The following IRF2 variants were observed in gnomAD, a reference collection of about 807,000 sequenced individuals.
IRF2 encodes the protein interferon regulatory factor 2.
A neutral mutation model predicts 40.6 loss-of-function variants in IRF2; 15 were observed. That is an observed-to-expected ratio of 0.37 (90% CI 0.25 to 0.57). The LOEUF (loss-of-function observed/expected upper bound fraction) is 0.57, where lower values mean the gene tolerates loss of function less well. IRF2 is among the 20% of genes least tolerant of loss of function. The pLI is 0.77. For synonymous variants in IRF2, 151 were observed against 165.5 expected (o/e 0.91, Z 0.67); for missense variants, 317 against 455.7 (o/e 0.70, Z 2.77).
intron 1 of IRF2, among the ~76,000 whole-genome samples, chr4:184,455,337 G>A (rs1239225244): frequency 8.5e-5 from 9 of 105,856 alleles, no homozygotes; most frequent in South Asian, 7.0e-4. Flanking sequence ...AGAGAAAGGC[G>A]TCTCCCCATG....
At position 184,408,018 on chromosome 4, in the gene IRF2, TG is replaced by T; in HGVS notation, c.529+139del. 1 of 579,712 alleles carries T rather than the reference TG, an allele frequency of 1.7e-6. No homozygotes were observed. Among genetic ancestry groups the T allele is most frequent in the Non-Finnish European group, 3.1e-6 (1 of 321,542 alleles). The allele number at this position is 579,712 out of a possible 1,614,324, so 35.9% of individuals were successfully genotyped here. Reference sequence around the variant, plus strand: ...GCCTTCGTTTCTCAGCCTTGAAATCTGGGGGCTGGAACTTGCATTCTGAGAT... The same window carrying T: ...GCCTTCGTTTCTCAGCCTTGAAATCTGGGGCTGGAACTTGCATTCTGAGAT... On this transcript the variant is annotated intron_variant, in intron 6 of 8. Transcript: ENST00000393593. This position sits in a 1 kb window ranked among gnomAD's most constrained non-coding sequence, Gnocchi z 4.9.
At chr4:184,467,199 T>C (rs1259175992) in intron 1 of IRF2, among the ~76,000 whole-genome samples, 2 of 152,222 alleles carry the variant, frequency 1.3e-5, no homozygotes, top group Non-Finnish European at 2.9e-5. Context: ...AACTGGTCCT[T>C]GAGTTATCAC....
intron 7 of IRF2, among the ~76,000 whole-genome samples, chr4:184,396,835 G>T (rs540003221): frequency 1.4e-4 from 21 of 152,258 alleles, no homozygotes; most frequent in Non-Finnish European, 2.2e-4. Context: ...AGGCATGGCA[G>T]CTCATGCCCG....
At chr4:184,455,967 C>T (rs557464207) in intron 1 of IRF2, among the ~76,000 whole-genome samples, 19 of 152,288 alleles carry the variant, frequency 1.2e-4, no homozygotes, top group Admixed American at 1.3e-4. Flanking sequence ...AAGGACTTAC[C>T]CTGCAAAGAC....
chr4:184,425,990 GTTTGT>G (rs1737659015), intron 2 of IRF2, among the ~76,000 whole-genome samples: 1 of 119,816 alleles, frequency 8.3e-6, no homozygotes, highest in Admixed American at 7.7e-5. Context: ...TTGTTTGTTT[GTTTGT>G]TTGTTTGTTT....
chr4:184,419,578 A>AAAG lies in IRF2; in HGVS notation c.88-11_88-10insCTT. ...GAAAAATCTTCTTTTCCTGAAAAAA[A>AAAG]AAAAAAAAAAAAAGGTAAAGAACTG... On this transcript the variant is annotated splice_polypyrimidine_tract_variant and intron_variant, in intron 2 of 8. Transcript: ENST00000393593. The AAAG allele has an allele frequency of 6.4e-7, 1 of 1,559,594 alleles. No homozygotes were observed. Among genetic ancestry groups the AAAG allele is most frequent in the Non-Finnish European group, 8.7e-7 (1 of 1,144,680 alleles).
At chr4:184,453,149 C>T (rs948627994) in intron 1 of IRF2, among the ~76,000 whole-genome samples, 1 of 152,122 alleles carries the variant, frequency 6.6e-6, no homozygotes, top group Non-Finnish European at 1.5e-5. Context: ...GATAAATTAC[C>T]TTCCAGATAC....
intron 6 of IRF2, among the ~76,000 whole-genome samples, chr4:184,400,149 A>G (rs1736615005): frequency 6.6e-6 from 1 of 152,222 alleles, no homozygotes; most frequent in Non-Finnish European, 1.5e-5. Context: ...AACACCAAAC[A>G]GTTCCATCAC....
At position 184,398,969 on chromosome 4, in the gene IRF2, C is replaced by T. The variant is rs1337558903; in HGVS notation, c.640G>A (p.Val214Ile). 1 of 1,613,026 alleles carries T rather than the reference C, an allele frequency of 6.2e-7. No individual in the cohort carries two copies. The highest frequency in any genetic ancestry group is 1.3e-5 in the African/African-American group (1 of 74,830). The change falls in exon 7 of 9, where the codon GTC (valine) becomes ATC (isoleucine). Residue 214 changes from valine (V) to isoleucine (I), a missense_variant. By Grantham distance (29) the Val-to-Ile change is conservative (BLOSUM62 3). Transcript: ENST00000393593. ...AGAGGGTAGAGCTCGCTCATGCTGACCGGCTGCTCGTCGCTCTCAGTGGTC... is the reference window on the plus strand; with the variant it reads ...AGAGGGTAGAGCTCGCTCATGCTGATCGGCTGCTCGTCGCTCTCAGTGGTC... ...EVTTESDEQP[V>I]SMSELYPLQI... is the part of the protein sequence containing the mutation.
intron 1 of IRF2, among the ~76,000 whole-genome samples, chr4:184,432,656 A>G (rs1462585547): frequency 6.6e-6 from 1 of 152,240 alleles, no homozygotes; most frequent in Non-Finnish European, 1.5e-5. Context: ...TGTGACCAGT[A>G]GCTCGCAGGA....
chr4:184,447,436 A>C (rs793784), intron 1 of IRF2, among the ~76,000 whole-genome samples: 1 of 152,214 alleles, frequency 6.6e-6, no homozygotes, highest in Non-Finnish European at 1.5e-5. Flanking sequence ...TTAGAAGATC[A>C]ACATTTGGTA....
At chr4:184,429,652 C>T (rs1033045850) in intron 1 of IRF2, among the ~76,000 whole-genome samples, 15 of 152,224 alleles carry the variant, frequency 9.9e-5, no homozygotes, top group African/African-American at 3.4e-4. Context: ...CCCTGGAAGC[C>T]TGCACAGGTA....
chr4:184,398,485 C>T (rs1736546868), intron 7 of IRF2, among the ~76,000 whole-genome samples: 1 of 151,748 alleles, frequency 6.6e-6, no homozygotes, highest in Non-Finnish European at 1.5e-5. Context: ...GGTGAATCCC[C>T]GTCTCTACTA....
chr4:184,420,068 A>G (rs1221758279), intron 2 of IRF2, among the ~76,000 whole-genome samples: 1 of 152,148 alleles, frequency 6.6e-6, no homozygotes, highest in Non-Finnish European at 1.5e-5. Flanking sequence ...GGGTTTTGCC[A>G]TGCTGGCCAG....
chr4:184,469,656 C>T (rs1739450427), intron 1 of IRF2, among the ~76,000 whole-genome samples: 1 of 152,170 alleles, frequency 6.6e-6, no homozygotes, highest in Non-Finnish European at 1.5e-5. Flanking sequence ...GCCTGGTGGA[C>T]AGAGTGAGAC....
intron 5 of IRF2, among the ~76,000 whole-genome samples, chr4:184,416,725 T>C (rs1261384966): frequency 6.9e-6 from 1 of 145,480 alleles, no homozygotes; most frequent in Admixed American, 6.9e-5. Flanking sequence ...TTCCAAAAAA[T>C]AGTTCAAAAA....
intron 1 of IRF2, among the ~76,000 whole-genome samples, chr4:184,439,053 G>A (rs918095845): frequency 6.6e-6 from 1 of 152,178 alleles, no homozygotes; most frequent in Non-Finnish European, 1.5e-5. Flanking sequence ...CATATTATCT[G>A]CACCAATGCA....
At chr4:184,473,907 C>T (rs1194322816) in intron 1 of IRF2, 1 of 152,114 alleles carries the variant, frequency 6.6e-6, no homozygotes, top group East Asian at 1.9e-4. Flanking sequence ...CACACACGCG[C>T]GCACACACAA....
chr4:184,428,532 T>C (rs761151309), intron 2 of IRF2: 1 of 355,884 alleles, frequency 2.8e-6, no homozygotes, highest in Non-Finnish European at 5.6e-6. Flanking sequence ...GTTCAGTGGC[T>C]CATGCCTGTA....
Sources: allele counts gnomAD v4.1 joint callset (sites outside exome capture counted in the v4.1 genomes callset), GRCh38; gene constraint gnomAD v4.1.1; non-coding constraint Gnocchi (gnomAD v3.1); transcripts MANE v1.5; gene names NCBI Gene and HGNC (gene_info 2026-07-23, HGNC 2026-07-21).